The following PPP2R5C variants were observed in gnomAD, a reference collection of about 807,000 sequenced individuals.
The protein encoded by PPP2R5C is protein phosphatase 2 regulatory subunit B'gamma.
PPP2R5C carries 7 observed loss-of-function variants against 68.9 expected under a neutral mutation model. The ratio of observed to expected loss-of-function variants is 0.10; its 90% CI spans 0.06 to 0.19. The LOEUF (loss-of-function observed/expected upper bound fraction) is 0.19. Among genes scored for constraint, PPP2R5C ranks in the 10% least tolerant of loss-of-function variants. PPP2R5C has a pLI of 1.00. For missense variants in PPP2R5C, 348 were observed against 641.3 expected, an observed-to-expected ratio of 0.54 and a Z score of 4.94; for synonymous variants, 210 against 222.2, an observed-to-expected ratio of 0.95 and a Z score of 0.49.
chr14:101,878,945 A>C (rs996154514), intron 2 of PPP2R5C, among the ~76,000 whole-genome samples: 11 of 152,220 alleles, frequency 7.2e-5, no homozygotes, highest in African/African-American at 2.7e-4. Flanking sequence ...TATCGCCTTT[A>C]ACCACGATGG....
At chr14:101,783,571 C>T (rs569054752) in intron 2 of PPP2R5C, among the ~76,000 whole-genome samples, 25 of 152,102 alleles carry the variant, frequency 1.6e-4, no homozygotes, top group Middle Eastern at 3.4e-3. Flanking sequence ...CCAAGGGCCC[C>T]TTTGGAACTG....
chr14:101,810,935 A>T (rs1481569828), intron 1 of PPP2R5C, among the ~76,000 whole-genome samples: 1 of 152,182 alleles, frequency 6.6e-6, no homozygotes, highest in African/African-American at 2.4e-5. Flanking sequence ...AATGATTTTA[A>T]GCTTCATCAG....
chr14:101,832,462 A>G (rs2040807741), intron 1 of PPP2R5C, among the ~76,000 whole-genome samples: 1 of 152,224 alleles, frequency 6.6e-6, no homozygotes, highest in South Asian at 2.1e-4. Flanking sequence ...CAAAATACCA[A>G]GTAAATAAGA....
chr14:101,917,488 C>T lies in PPP2R5C; in HGVS notation c.1327-343C>T, dbSNP rs1047916054. 6.6e-6 allele frequency among the ~76,000 whole-genome samples: 1 copy of T among 152,106 alleles called. No individual in the cohort carries two copies. The highest frequency in any genetic ancestry group is 2.4e-5 in the African/African-American group (1 of 41,426). On this transcript the variant is annotated intron_variant, in intron 12 of 13. Transcript: ENST00000334743. This position sits in a 1 kb window ranked among gnomAD's most constrained non-coding sequence, Gnocchi z 4.4. ...GAGGGTTCCAGTGGTGAGACAGCTC[C>T]CACCACCGAGCCCAGGGTGCGACCT...
chr14:101,793,245 G>A (rs534465192), intron 3 of PPP2R5C, among the ~76,000 whole-genome samples: 10 of 152,272 alleles, frequency 6.6e-5, no homozygotes, highest in Admixed American at 4.6e-4. Context: ...CAAAATCTGG[G>A]TCAGAGGGAT....
intron 2 of PPP2R5C, among the ~76,000 whole-genome samples, chr14:101,872,224 T>TTC: frequency 7.1e-6 from 1 of 141,584 alleles, no homozygotes; most frequent in Non-Finnish European, 1.5e-5. Context: ...TTTGCCTTTT[T>TTC]TTTTTTTTTT....
intron 2 of PPP2R5C, among the ~76,000 whole-genome samples, chr14:101,862,816 ATTTTTTT>A (rs71116853): frequency 7.9e-6 from 1 of 127,238 alleles, no homozygotes; most frequent in African/African-American, 2.9e-5. Context: ...GACATGATGG[ATTTTTTT>A]TTTTTTTTTT....
At position 101,913,410 on chromosome 14, in the gene PPP2R5C, T is replaced by C. The variant is rs367908336; in HGVS notation, c.1326+937T>C. Among the ~76,000 whole-genome samples, 29 of 152,350 alleles carry C rather than the reference T, an allele frequency of 1.9e-4. No homozygotes were observed. Among genetic ancestry groups the C allele is most frequent in the Middle Eastern group, 3.4e-3 (1 of 294 alleles). ...AAAGTTAAAAGTATATCTTTACCTATATAACAACATACTGGTTTGTATACT... is the reference window on the plus strand; with the variant it reads ...AAAGTTAAAAGTATATCTTTACCTACATAACAACATACTGGTTTGTATACT... On this transcript the variant is annotated intron_variant, in intron 12 of 13. Coordinates refer to ENST00000334743, the Ensembl canonical transcript of PPP2R5C. This position sits in a 1 kb window ranked among gnomAD's most constrained non-coding sequence, Gnocchi z 4.1.
intron 8 of PPP2R5C, among the ~76,000 whole-genome samples, chr14:101,897,287 T>C (rs1289965851): frequency 2.0e-5 from 3 of 152,200 alleles, no homozygotes; most frequent in Non-Finnish European, 4.4e-5. Context: ...ATGAACAGTG[T>C]TAATAAAACT....
At chr14:101,820,664 T>TA (rs1377878903) in intron 1 of PPP2R5C, 1 of 152,238 alleles carries the variant, frequency 6.6e-6, no homozygotes, top group Middle Eastern at 3.2e-3. Context: ...TCTTTACATA[T>TA]ACTTGAACCA....
intron 1 of PPP2R5C, among the ~76,000 whole-genome samples, chr14:101,827,754 C>T (rs1037771656): frequency 6.6e-6 from 1 of 152,054 alleles, no homozygotes; most frequent in African/African-American, 2.4e-5. Flanking sequence ...AGGAGGGCAC[C>T]CCAGACACCT....
At chr14:101,805,938 T>G (rs1032303611), upstream of PPP2R5C, among the ~76,000 whole-genome samples, 11 of 151,918 alleles carry the variant, frequency 7.2e-5, no homozygotes, top group Non-Finnish European at 1.0e-4. Context: ...GGGGACAGAG[T>G]GTCAGTTTTG....
chr14:101,897,199 A>G (rs759074195), intron 8 of PPP2R5C, among the ~76,000 whole-genome samples: 3 of 152,182 alleles, frequency 2.0e-5, no homozygotes, highest in Non-Finnish European at 4.4e-5. Context: ...CATCAAGCAT[A>G]GTCAAGGCTT....
At chr14:101,807,094 T>C (rs890439510), upstream of PPP2R5C, among the ~76,000 whole-genome samples, 3 of 152,228 alleles carry the variant, frequency 2.0e-5, no homozygotes, top group African/African-American at 4.8e-5. Context: ...CTAAAAGTTA[T>C]AGGGATTTGG....
intron 1 of PPP2R5C, among the ~76,000 whole-genome samples, chr14:101,826,345 C>CT (rs1454223548): frequency 4.6e-5 from 7 of 152,116 alleles, no homozygotes; most frequent in African/African-American, 9.7e-5. Context: ...GTCCAACTTC[C>CT]TTTATTTGCA....
At chr14:101,894,085 G>A (rs964158333) in intron 7 of PPP2R5C, among the ~76,000 whole-genome samples, 4 of 152,200 alleles carry the variant, frequency 2.6e-5, no homozygotes, top group African/African-American at 9.7e-5. Context: ...TTCTCTGACT[G>A]CTCTTAACTG....
At chr14:101,807,584 T>C (rs1486301239), upstream of PPP2R5C, among the ~76,000 whole-genome samples, 1 of 152,224 alleles carries the variant, frequency 6.6e-6, no homozygotes, top group Non-Finnish European at 1.5e-5. Context: ...TATTTATATT[T>C]TTATATTTCC....
intron 11 of PPP2R5C, 138 bp from the exon 14 acceptor site, chr14:101,912,255 GCTCAGCAC>G (rs1382016628): frequency 1.9e-6 from 1 of 518,892 alleles, no homozygotes; most frequent in Non-Finnish European, 3.3e-6. Context: ...TTCATGCTGT[GCTCAGCAC>G]GTAAGTGTGG....
At chr14:101,855,801 G>A (rs1291930958) in intron 1 of PPP2R5C, among the ~76,000 whole-genome samples, 1 of 152,140 alleles carries the variant, frequency 6.6e-6, no homozygotes, top group African/African-American at 2.4e-5. Flanking sequence ...TCAGAGCTTG[G>A]TTTGAATTTA....
Sources: gnomAD v4.1 joint callset for allele counts (sites outside exome capture counted in the v4.1 genomes callset) on GRCh38, gnomAD v4.1.1 for gene constraint, Gnocchi (gnomAD v3.1) non-coding constraint, MANE v1.5 for transcripts, NCBI Gene and HGNC (gene_info 2026-07-23, HGNC 2026-07-21) for gene names.